TM9SF4: variants seen among roughly 807,000 people sequenced by gnomAD.
The protein encoded by TM9SF4 is transmembrane 9 superfamily member 4.
A neutral mutation model predicts 90.4 loss-of-function variants in TM9SF4; 26 were observed. The observed-to-expected ratio is 0.29, with a 90% CI of 0.21 to 0.40. The LOEUF is 0.40. Among genes scored for constraint, TM9SF4 ranks in the 10% least tolerant of loss-of-function variants. The pLI, the probability that TM9SF4 is intolerant of heterozygous loss-of-function variation, is 1.00. For missense variants in TM9SF4, 549 were observed against 834.8 expected (o/e 0.66, Z 4.22); for synonymous variants, 293 against 315.4 (o/e 0.93, Z 0.75).
At chr20:32,162,531 G>A (rs2047032077) in intron 17 of TM9SF4, among the ~76,000 whole-genome samples, 1 of 152,214 alleles carries the variant, frequency 6.6e-6, no homozygotes, top group African/African-American at 2.4e-5. Flanking sequence ...CAATGGCAGA[G>A]TTGAGTAGTT....
intron 14 of TM9SF4, 152 bp downstream of exon 14, chr20:32,158,121 A>G: frequency 1.8e-6 from 2 of 1,140,898 alleles, no homozygotes; most frequent in Middle Eastern, 2.7e-4. Flanking sequence ...GATCAAGGTG[A>G]CCAGGTTGTA....
chr20:32,150,374 G>A (rs1045106556), intron 10 of TM9SF4, among the ~76,000 whole-genome samples: 8 of 152,226 alleles, frequency 5.3e-5, no homozygotes, highest in Non-Finnish European at 1.2e-4. Context: ...ACCGAAAGCT[G>A]CGGTTGAGAT....
chr20:32,131,943 C>T (rs773437010), intron 1 of TM9SF4, among the ~76,000 whole-genome samples: 5 of 152,076 alleles, frequency 3.3e-5, no homozygotes, highest in African/African-American at 7.2e-5. Flanking sequence ...ACATGCAATA[C>T]GCAAATAAAC....
intron 2 of TM9SF4, 123 bp downstream of exon 2, chr20:32,133,249 A>T: frequency 5.4e-6 from 4 of 739,594 alleles, no homozygotes; most frequent in Non-Finnish European, 6.3e-6. Flanking sequence ...TTACCCCGGA[A>T]CTCTGCCTCT....
intron 6 of TM9SF4, among the ~76,000 whole-genome samples, 153 bp downstream of exon 6, chr20:32,143,258 A>C (rs1473774370): frequency 6.6e-6 from 1 of 152,142 alleles, no homozygotes; most frequent in Non-Finnish European, 1.5e-5. Flanking sequence ...TTCTCATTAG[A>C]GAAGACGGGG....
chr20:32,149,502 C>T (rs2046810691), intron 9 of TM9SF4, 132 bp from the exon 10 acceptor site: 1 of 1,170,884 alleles, frequency 8.5e-7, no homozygotes, highest in Non-Finnish European at 1.2e-6. Flanking sequence ...GCACTTTCTC[C>T]TATCACTTAC....
chr20:32,120,374 CTTT>C (rs2046285752), intron 1 of TM9SF4, among the ~76,000 whole-genome samples: 1 of 95,974 alleles, frequency 1.0e-5, no homozygotes, highest in Non-Finnish European at 2.2e-5. Context: ...ATATTTTATT[CTTT>C]TTGATACTAA....
Position 32,123,866 on chromosome 20 carries a change from A to ATATATTTTTTTTTTTTTT in TM9SF4, c.16-9146_16-9145insATATTTTTTTTTTTTTTT. On this transcript the variant is annotated intron_variant, in intron 1 of 17. Coordinates refer to ENST00000398022, the MANE Select transcript of TM9SF4 (RefSeq NM_014742.4). ...CTCTCATATATATATATATATATAT[A>ATATATTTTTTTTTTTTTT]TTTTTTTTTTTAAAGAGATAGGGTC... Among the ~76,000 whole-genome samples, 15 of 93,960 alleles carry ATATATTTTTTTTTTTTTT rather than the reference A, an allele frequency of 1.6e-4. No homozygotes were observed. The East Asian group carries it at 2.2e-3, about 14-fold the overall frequency. 61.6% of individuals were successfully genotyped at this position (93,960 alleles called of 152,430 possible).
chr20:32,119,498 A>G (rs1464071862), intron 1 of TM9SF4, among the ~76,000 whole-genome samples: 1 of 151,902 alleles, frequency 6.6e-6, no homozygotes, highest in African/African-American at 2.4e-5. Context: ...ATTTCTGTAC[A>G]AATCTCTTGT....
chr20:32,109,789 A>T (rs1349990651), intron 1 of TM9SF4, 34 bp downstream of exon 1: 11 of 1,551,358 alleles, frequency 7.1e-6, no homozygotes, highest in Non-Finnish European at 8.7e-6. Context: ...CGGGAGCTGG[A>T]GCGGGGCCCT....
At chr20:32,160,583 G>A (rs1227621257) in intron 16 of TM9SF4, among the ~76,000 whole-genome samples, 1 of 152,104 alleles carries the variant, frequency 6.6e-6, no homozygotes, top group Admixed American at 6.6e-5. Context: ...TCCACATGAT[G>A]GGGTGAGTGA....
chr20:32,146,305 C>T (rs542694063), intron 8 of TM9SF4, among the ~76,000 whole-genome samples: 12 of 152,006 alleles, frequency 7.9e-5, no homozygotes, highest in Non-Finnish European at 1.2e-4. Context: ...GGTGCTGGGA[C>T]GTGAAGATGC....
intron 10 of TM9SF4, among the ~76,000 whole-genome samples, 153 bp downstream of exon 10, chr20:32,149,919 T>C (rs921872597): frequency 6.6e-6 from 1 of 152,136 alleles, no homozygotes; most frequent in Non-Finnish European, 1.5e-5. Flanking sequence ...ACAGGCCGTC[T>C]ATCTCAGCAA....
intron 12 of TM9SF4, 150 bp downstream of exon 12, chr20:32,151,025 G>T: frequency 1.1e-6 from 1 of 934,600 alleles, no homozygotes; most frequent in Non-Finnish European, 1.6e-6. Context: ...AGGTCCAAGG[G>T]CAGGAATCCC....
At chr20:32,145,528 G>T in intron 8 of TM9SF4, 105 bp downstream of exon 8, 1 of 986,256 alleles carries the variant, frequency 1.0e-6, no homozygotes, top group Non-Finnish European at 1.6e-6. Context: ...AGGGTCAGGC[G>T]TAGGTCAAAA....
Position 32,167,158 on chromosome 20 carries a change from T to C in TM9SF4, c.*1714T>C, listed in dbSNP as rs2047109682. 1 of 152,214 alleles carries C rather than the reference T, an allele frequency of 6.6e-6. No individual in the cohort carries two copies. The highest frequency in any genetic ancestry group is 2.4e-5 in the African/African-American group (1 of 41,456). The allele number at this position is 152,214 out of a possible 1,614,324, so 9.4% of individuals were successfully genotyped here. ...TAAAGGGTTCAAAGATCATCAATTT[T>C]TCTGACTTTTTAAATCATTATCATT... On this transcript the variant is annotated 3_prime_UTR_variant, in exon 18 of 18. Coordinates refer to ENST00000398022, the MANE Select transcript of TM9SF4 (RefSeq NM_014742.4).
chr20:32,123,587 A>G (rs2046367938), intron 1 of TM9SF4, among the ~76,000 whole-genome samples: 1 of 151,260 alleles, frequency 6.6e-6, no homozygotes, highest in African/African-American at 2.4e-5. Flanking sequence ...CAAGTATGTT[A>G]AATGTTTTTA....
At position 32,157,916 on chromosome 20, in the gene TM9SF4, C is replaced by G; in HGVS notation, c.1452C>G (p.Asn484Lys). The G allele has an allele frequency of 6.2e-7, 1 of 1,614,108 alleles. No individual in the cohort carries two copies. The highest frequency in any genetic ancestry group is 8.5e-7 in the Non-Finnish European group (1 of 1,180,018). Reference sequence around the variant, plus strand: ...CATATGACAACCCTGTGCGCACCAACCAGATTCCCCGGCAGATCCCCGAGC... The same window carrying G: ...CATATGACAACCCTGTGCGCACCAAGCAGATTCCCCGGCAGATCCCCGAGC... ...KQPYDNPVRT[N>K]QIPRQIPEQR... is the part of the protein sequence containing the mutation. The change falls in exon 14 of 18, where the codon AAC (asparagine) becomes AAG (lysine). Residue 484 changes from asparagine to lysine, a missense_variant. Transcript: ENST00000398022.
intron 15 of TM9SF4, 80 bp downstream of exon 15, chr20:32,158,594 C>T: frequency 6.8e-7 from 1 of 1,472,702 alleles, no homozygotes; most frequent in South Asian, 1.1e-5. Flanking sequence ...CTGCTGCCTA[C>T]TGCCTGAGAA....
Sources: gnomAD v4.1 joint callset for allele counts (sites outside exome capture counted in the v4.1 genomes callset) on GRCh38, gnomAD v4.1.1 for gene constraint, MANE v1.5 for transcripts, NCBI Gene and HGNC (gene_info 2026-07-23, HGNC 2026-07-21) for gene names.